Variants in ROBO2 observed in about 807,000 individuals in gnomAD.
ROBO2 encodes roundabout homolog 2.
Under a neutral mutation model 160.8 loss-of-function variants are expected in ROBO2, and 53 were observed. That is an observed-to-expected ratio of 0.33 (90% CI 0.26 to 0.41). The LOEUF is 0.41. Ranked by LOEUF, ROBO2 falls within the 10% of genes least tolerant of loss-of-function variation. ROBO2 has a pLI of 1.00. For missense variants in ROBO2, 1,577 were observed against 1,722.4 expected (o/e 0.92, Z 1.49); for synonymous variants, 664 against 611.7 (o/e 1.09, Z -1.26).
At chr3:77,492,526 G>T (rs1173298939) in intron 4 of ROBO2, among the ~76,000 whole-genome samples, 2 of 151,582 alleles carry the variant, frequency 1.3e-5, no homozygotes, top group East Asian at 3.9e-4. Flanking sequence ...GATTACTGAA[G>T]AAATAAAAAA....
chr3:76,825,449 T>C (rs1460347789), intron 2 of ROBO2, among the ~76,000 whole-genome samples: 1 of 151,894 alleles, frequency 6.6e-6, no homozygotes, highest in Non-Finnish European at 1.5e-5. Context: ...TCATGAATAA[T>C]ATTCAATATG....
At chr3:76,416,520 T>A (rs1021866782) in intron 2 of ROBO2, among the ~76,000 whole-genome samples, 2 of 152,240 alleles carry the variant, frequency 1.3e-5, no homozygotes, top group African/African-American at 4.8e-5. Context: ...AAAATTACTT[T>A]AAAGAGCTTA....
At chr3:76,157,735 C>T (rs963534036) in intron 2 of ROBO2, among the ~76,000 whole-genome samples, 2 of 152,132 alleles carry the variant, frequency 1.3e-5, no homozygotes. Context: ...TGACATTGAA[C>T]TTCCTAATTT....
rs142129543 is a variant in ROBO2, at chr3:76,512,423, A to G, written c.109+574821A>G. On this transcript the variant is annotated intron_variant, in intron 2 of 26. Transcript: ENST00000487694. ...TTGTCAGCTGTTGCTGTTGTTTAAC[A>G]GCAGATACAGGTATTCTGGCGATGC... Among the ~76,000 whole-genome samples, 160 of 152,034 alleles carry G rather than the reference A, an allele frequency of 1.1e-3. 1 individual carries two copies. The highest frequency in any genetic ancestry group is 2.1e-4 in the Non-Finnish European group (14 of 67,980).
chr3:77,266,248 T>G (rs961363863), intron 2 of ROBO2, among the ~76,000 whole-genome samples: 4 of 151,982 alleles, frequency 2.6e-5, no homozygotes, highest in Non-Finnish European at 1.5e-5. Flanking sequence ...TTCAGAATCC[T>G]TCTCTATTCA....
chr3:76,270,796 A>G (rs1707385522), intron 2 of ROBO2, among the ~76,000 whole-genome samples: 1 of 152,096 alleles, frequency 6.6e-6, no homozygotes, highest in African/African-American at 2.4e-5. Context: ...TAGTTTAGAG[A>G]ATACTAAATG....
intron 2 of ROBO2, among the ~76,000 whole-genome samples, chr3:77,284,900 A>G (rs2060480258): frequency 6.6e-6 from 1 of 152,174 alleles, no homozygotes; most frequent in African/African-American, 2.4e-5. Context: ...CCTCACTTCC[A>G]TGCTTTGAAC....
At chr3:76,347,665 A>G (rs1321271838) in intron 2 of ROBO2, among the ~76,000 whole-genome samples, 3 of 152,020 alleles carry the variant, frequency 2.0e-5, no homozygotes, top group South Asian at 2.1e-4. Flanking sequence ...TCAGCAACCC[A>G]GAAAGACAAA....
At chr3:77,179,583 G>A (rs1165531379) in intron 2 of ROBO2, among the ~76,000 whole-genome samples, 3 of 152,044 alleles carry the variant, frequency 2.0e-5, no homozygotes, top group South Asian at 4.2e-4. Flanking sequence ...TTAAACTTGT[G>A]CATCATCAAG....
At chr3:76,729,275 G>T (rs1006093311) in intron 2 of ROBO2, among the ~76,000 whole-genome samples, 2 of 151,352 alleles carry the variant, frequency 1.3e-5, no homozygotes, top group African/African-American at 4.9e-5. Flanking sequence ...CAATTACCAA[G>T]GTTTTCTAAT....
intron 7 of ROBO2, among the ~76,000 whole-genome samples, chr3:77,548,156 TAC>T (rs147388507): frequency 3.5e-4 from 52 of 147,044 alleles, no homozygotes; most frequent in African/African-American, 8.2e-4. Context: ...TACATACACA[TAC>T]ACACACACAC....
At chr3:76,293,269 A>C (rs1439905391) in intron 2 of ROBO2, among the ~76,000 whole-genome samples, 1 of 152,188 alleles carries the variant, frequency 6.6e-6, no homozygotes, top group Non-Finnish European at 1.5e-5. Flanking sequence ...TGCCCTTCTA[A>C]AGGGCAAAAT....
chr3:77,084,664 A>G (rs867170512), intron 1 of ROBO2, among the ~76,000 whole-genome samples: 2 of 150,248 alleles, frequency 1.3e-5, no homozygotes, highest in South Asian at 4.4e-4. Context: ...GTTTCATTTG[A>G]TCCCTCCTCT....
intron 2 of ROBO2, among the ~76,000 whole-genome samples, chr3:76,959,683 A>G (rs2079514763): frequency 6.6e-6 from 1 of 152,146 alleles, no homozygotes; most frequent in Non-Finnish European, 1.5e-5. Flanking sequence ...TTATGTATAC[A>G]TTTGTTACTC....
chr3:76,195,509 T>G (rs1312826446), intron 2 of ROBO2, among the ~76,000 whole-genome samples: 3 of 152,154 alleles, frequency 2.0e-5, no homozygotes, highest in Non-Finnish European at 4.4e-5. Context: ...GACTATTTAG[T>G]GGTGGTTATA....
At chr3:77,294,895 C>G (rs952990465) in intron 2 of ROBO2, among the ~76,000 whole-genome samples, 1 of 150,098 alleles carries the variant, frequency 6.7e-6, no homozygotes, top group Non-Finnish European at 1.5e-5. Context: ...GACAGTTAAA[C>G]AGGTAAGCTG....
chr3:77,640,096 C>CTTTTTTTTTT (rs1559785171), intron 24 of ROBO2, among the ~76,000 whole-genome samples: 151 of 97,426 alleles, frequency 1.5e-3, no homozygotes, highest in Non-Finnish European at 2.3e-3. Context: ...GCAGAGGAAG[C>CTTTTTTTTTT]ATTTTTTTTT....
intron 2 of ROBO2, among the ~76,000 whole-genome samples, chr3:77,117,551 G>C (rs1428896644): frequency 2.6e-5 from 4 of 152,058 alleles, no homozygotes; most frequent in Admixed American, 6.6e-5. Flanking sequence ...CTATATCTCA[G>C]TATAATTTTC....
At chr3:77,453,150 T>A (rs1374556127) in intron 2 of ROBO2, among the ~76,000 whole-genome samples, 1 of 152,156 alleles carries the variant, frequency 6.6e-6, no homozygotes, top group Non-Finnish European at 1.5e-5. Context: ...TTTACTGCCT[T>A]CTCTATTAAA....
Sources: gnomAD v4.1 joint callset for allele counts (sites outside exome capture counted in the v4.1 genomes callset) on GRCh38, gnomAD v4.1.1 for gene constraint, MANE v1.5 for transcripts, NCBI Gene and HGNC (gene_info 2026-07-23, HGNC 2026-07-21) for gene names.